CDH12: variants seen among roughly 807,000 people sequenced by gnomAD.
CDH12 encodes the protein cadherin 12.
CDH12 carries 41 observed loss-of-function variants against 74.1 expected under a neutral mutation model. That is an observed-to-expected ratio of 0.55 (90% CI 0.43 to 0.72). CDH12 has a LOEUF of 0.72. Among genes scored for constraint, CDH12 ranks in the 30% least tolerant of loss-of-function variants. CDH12 has a pLI of 0.00. For synonymous variants in CDH12, 399 were observed against 355.0 expected (o/e 1.12, Z -1.39); for missense variants, 945 against 977.2 (o/e 0.97, Z 0.44).
intron 13 of CDH12, among the ~76,000 whole-genome samples, chr5:21,756,977 C>A (rs1465190894): frequency 6.6e-6 from 1 of 152,040 alleles, no homozygotes; most frequent in Non-Finnish European, 1.5e-5. Context: ...ACATTTAAAT[C>A]TTCAGCAATT....
intron 1 of CDH12, among the ~76,000 whole-genome samples, chr5:22,520,293 T>C (rs1472431720): frequency 6.6e-6 from 1 of 152,200 alleles, no homozygotes; most frequent in Non-Finnish European, 1.5e-5. Context: ...TGATGGAAGC[T>C]TGACATTTAT....
intron 10 of CDH12, among the ~76,000 whole-genome samples, chr5:21,790,286 A>T (rs140372779): frequency 1.7e-3 from 266 of 152,292 alleles, no homozygotes; most frequent in African/African-American, 6.2e-3. Context: ...CGAGTTTAAA[A>T]TTCAAAGACT....
chr5:21,783,585 C>G (rs1746037660), intron 10 of CDH12, 91 bp from the exon 11 acceptor site: 12 of 929,590 alleles, frequency 1.3e-5, no homozygotes, highest in South Asian at 4.7e-5. Context: ...CCTTATTTTT[C>G]TCCCTGTAGC....
chr5:21,806,490 T>C (rs1419545283), intron 9 of CDH12, among the ~76,000 whole-genome samples: 1 of 152,158 alleles, frequency 6.6e-6, no homozygotes, highest in Non-Finnish European at 1.5e-5. Context: ...CCACTAAACG[T>C]GATTTACCAA....
intron 6 of CDH12, among the ~76,000 whole-genome samples, chr5:21,950,369 G>C (rs2150099852): frequency 6.6e-6 from 1 of 152,158 alleles, no homozygotes; most frequent in Middle Eastern, 3.4e-3. Context: ...AATTAAGATG[G>C]AAACTTAACA....
chr5:21,910,429 C>T (rs1753813631), intron 6 of CDH12, among the ~76,000 whole-genome samples: 1 of 152,064 alleles, frequency 6.6e-6, no homozygotes. Context: ...TTCAGTTTTA[C>T]ATGTTTTCTC....
chr5:21,943,935 A>G (rs1055406471), intron 6 of CDH12, among the ~76,000 whole-genome samples: 3 of 152,168 alleles, frequency 2.0e-5, no homozygotes, highest in African/African-American at 4.8e-5. Flanking sequence ...ATCCCTGAAC[A>G]TCAGTTAGTT....
rs369566815 is a variant in CDH12 at position 22,451,282 on chromosome 5, T to C, written c.-427-45931A>G. Among the ~76,000 whole-genome samples, 47 of 152,068 alleles carry C rather than the reference T, an allele frequency of 3.1e-4. No individual in the cohort carries two copies. The East Asian group carries it at 5.4e-3, about 18-fold the overall frequency. ...AAATGATTTAATAAAATTTAAATTTTAAGTTCTATCTAATTAAAACAAGCA... is the reference window on the plus strand; with the variant it reads ...AAATGATTTAATAAAATTTAAATTTCAAGTTCTATCTAATTAAAACAAGCA... On this transcript the variant is annotated intron_variant, in intron 2 of 14. Transcript: ENST00000382254.
intron 5 of CDH12, among the ~76,000 whole-genome samples, chr5:21,995,882 A>T (rs1736258310): frequency 6.6e-6 from 1 of 152,010 alleles, no homozygotes; most frequent in African/African-American, 2.4e-5. Flanking sequence ...TGCCTTATAA[A>T]ATGTTGAGTA....
At chr5:22,117,137 T>G (rs1447028628) in intron 4 of CDH12, among the ~76,000 whole-genome samples, 2 of 151,472 alleles carry the variant, frequency 1.3e-5, no homozygotes, top group Non-Finnish European at 2.9e-5. Flanking sequence ...CGGTTTCATC[T>G]GCAGTACACA....
At chr5:21,945,187 G>A (rs1238623292) in intron 6 of CDH12, among the ~76,000 whole-genome samples, 2 of 152,032 alleles carry the variant, frequency 1.3e-5, no homozygotes, top group Non-Finnish European at 2.9e-5. Context: ...CACTGTGGGA[G>A]GCCAAGATGG....
chr5:22,121,641 G>C (rs891186702), intron 4 of CDH12, among the ~76,000 whole-genome samples: 29 of 152,114 alleles, frequency 1.9e-4, no homozygotes, highest in African/African-American at 6.5e-4. Flanking sequence ...TGTAAATACA[G>C]TATAAGCTGT....
chr5:22,744,442 CA>C (rs543945758), intron 1 of CDH12, among the ~76,000 whole-genome samples: 2 of 151,052 alleles, frequency 1.3e-5, no homozygotes, highest in Non-Finnish European at 3.0e-5. Flanking sequence ...AAAAAACAAA[CA>C]AAAAAAACTC....
At chr5:22,556,941 G>A (rs753926896) in intron 1 of CDH12, among the ~76,000 whole-genome samples, 3 of 152,086 alleles carry the variant, frequency 2.0e-5, no homozygotes, top group East Asian at 3.9e-4. Context: ...GCCTGACTTT[G>A]ATAAAGGACA....
In CDH12 at chr5:21,880,576, C is replaced by CT. The variant is rs1561268110; in HGVS notation, c.527-25787dup. On this transcript the variant is annotated intron_variant, in intron 6 of 14. Coordinates refer to ENST00000382254, the MANE Select transcript of CDH12 (RefSeq NM_004061.5). ...CTTCCTTCCTTCCCTTCTTTCTTTC[C>CT]TTCCTTCCTTCCTTCCTTCCTTCCT... Among the ~76,000 whole-genome samples the CT allele has an allele frequency of 3.5e-4, 13 of 36,866 alleles. 2 individuals are homozygous for CT. The highest frequency in any genetic ancestry group is 1.2e-3 in the African/African-American group (10 of 8,576). 24.2% of individuals were successfully genotyped at this position (36,866 alleles called of 152,430 possible).
chr5:22,399,112 A>G (rs1580607482), intron 3 of CDH12, among the ~76,000 whole-genome samples: 1 of 152,024 alleles, frequency 6.6e-6, no homozygotes, highest in African/African-American at 2.4e-5. Context: ...CTATTGAACT[A>G]TATTTCTATC....
intron 3 of CDH12, among the ~76,000 whole-genome samples, chr5:22,219,997 T>C: frequency 6.6e-6 from 1 of 151,784 alleles, no homozygotes; most frequent in East Asian, 1.9e-4. Flanking sequence ...GTTTAAATTG[T>C]AATGATTATG....
chr5:22,420,433 C>A (rs1318159519), intron 2 of CDH12, among the ~76,000 whole-genome samples: 1 of 152,084 alleles, frequency 6.6e-6, no homozygotes, highest in Admixed American at 6.6e-5. Context: ...ATAGAGAATC[C>A]TTTCCCCATT....
At position 22,084,706 on chromosome 5, in the gene CDH12, C is replaced by G. The variant is rs142693493; in HGVS notation, c.-186-5844G>C. Among the ~76,000 whole-genome samples the G allele has an allele frequency of 7.5e-3, 1,144 of 152,234 alleles. 12 individuals carry two copies. Among genetic ancestry groups the G allele is most frequent in the African/African-American group, 0.025 (1,034 of 41,540 alleles). On this transcript the variant is annotated intron_variant, in intron 4 of 14. Transcript: ENST00000382254. ...TATTTTCAGTACAGGATGCTGCTCC[C>G]AGCAGATCCCAGACTCTGGCCACGG...
Sources: gnomAD v4.1 joint callset for allele counts (sites outside exome capture counted in the v4.1 genomes callset) on GRCh38, gnomAD v4.1.1 for gene constraint, MANE v1.5 for transcripts, NCBI Gene and HGNC (gene_info 2026-07-23, HGNC 2026-07-21) for gene names.